XKR6: variants seen among roughly 807,000 people sequenced by gnomAD.
The protein encoded by XKR6 is XK-related protein 6.
In XKR6, 22 loss-of-function variants were observed where a neutral mutation model predicts 56.7. That is an observed-to-expected ratio of 0.39 (90% CI 0.28 to 0.55). The LOEUF is 0.55. Ranked by LOEUF, XKR6 falls within the 20% of genes least tolerant of loss-of-function variation. XKR6 has a pLI of 0.66. For missense variants in XKR6, 852 were observed against 889.0 expected (o/e 0.96, Z 0.53); for synonymous variants, 524 against 387.8 (o/e 1.35, Z -4.13).
intron 1 of XKR6, among the ~76,000 whole-genome samples, chr8:11,192,791 T>C (rs1391703915): frequency 2.0e-5 from 3 of 152,132 alleles, no homozygotes; most frequent in African/African-American, 7.2e-5. Context: ...AATCCGCATG[T>C]TAATGGCCCC....
At chr8:10,910,671 C>G (rs1242368171) in intron 2 of XKR6, among the ~76,000 whole-genome samples, 1 of 152,212 alleles carries the variant, frequency 6.6e-6, no homozygotes, top group African/African-American at 2.4e-5. Context: ...CAGACCTCCC[C>G]TCAAGGAGTT....
chr8:11,131,899 G>T (rs1284065018), intron 1 of XKR6, among the ~76,000 whole-genome samples: 1 of 152,114 alleles, frequency 6.6e-6, no homozygotes, highest in African/African-American at 2.4e-5. Flanking sequence ...TACCATCTAG[G>T]TTTGTGTATG....
intron 1 of XKR6, among the ~76,000 whole-genome samples, chr8:10,949,475 C>T (rs1480529631): frequency 1.3e-5 from 2 of 152,198 alleles, no homozygotes; most frequent in Non-Finnish European, 2.9e-5. Context: ...CTCCCCAGGG[C>T]TCTGAGCTCT....
At chr8:10,954,085 T>A (rs1234672797) in intron 1 of XKR6, among the ~76,000 whole-genome samples, 1 of 152,264 alleles carries the variant, frequency 6.6e-6, no homozygotes. Context: ...TTGAGTTGTT[T>A]CCACTTTTTG....
intron 1 of XKR6, among the ~76,000 whole-genome samples, chr8:11,103,390 C>T (rs1798558792): frequency 6.6e-6 from 1 of 152,086 alleles, no homozygotes; most frequent in Non-Finnish European, 1.5e-5. Context: ...TGAATCAGGC[C>T]CCACAAGAAC....
chr8:10,949,596 A>C (rs1448931032), intron 1 of XKR6, among the ~76,000 whole-genome samples: 1 of 152,254 alleles, frequency 6.6e-6, no homozygotes, highest in Non-Finnish European at 1.5e-5. Flanking sequence ...CTAGCGGGGT[A>C]CACCGTTAGT....
At chr8:10,975,985 T>A (rs1802544032) in intron 1 of XKR6, among the ~76,000 whole-genome samples, 1 of 151,792 alleles carries the variant, frequency 6.6e-6, no homozygotes, top group Admixed American at 6.6e-5. Context: ...CCATACTGGC[T>A]AACAAGGTGA....
intron 1 of XKR6, among the ~76,000 whole-genome samples, chr8:11,128,511 G>T (rs566603645): frequency 6.6e-6 from 1 of 152,174 alleles, no homozygotes; most frequent in Admixed American, 6.5e-5. Flanking sequence ...CGAATGACCA[G>T]TTCTAGTAGT....
chr8:10,924,575 C>A, intron 2 of XKR6, 59 bp downstream of exon 2: 2 of 1,548,884 alleles, frequency 1.3e-6, no homozygotes, highest in Admixed American at 1.8e-5. Context: ...TGGGAGGCGG[C>A]CGTGGTCCCC....
intron 1 of XKR6, among the ~76,000 whole-genome samples, chr8:11,075,491 C>CTT (rs945441302): frequency 1.3e-5 from 2 of 152,132 alleles, no homozygotes; most frequent in African/African-American, 4.8e-5. Flanking sequence ...TGACCCCTAC[C>CTT]CTAAGCACAA....
chr8:11,090,135 G>A (rs556811935), intron 1 of XKR6, among the ~76,000 whole-genome samples: 10 of 152,272 alleles, frequency 6.6e-5, no homozygotes, highest in African/African-American at 2.4e-4. Context: ...CCAGGCTGGA[G>A]TGCAGTGGTG....
chr8:11,165,905 A>G (rs1372039928), intron 1 of XKR6, among the ~76,000 whole-genome samples: 3 of 151,940 alleles, frequency 2.0e-5, no homozygotes, highest in African/African-American at 7.3e-5. Flanking sequence ...GCCACGTGCA[A>G]TGACCACTGT....
intron 1 of XKR6, among the ~76,000 whole-genome samples, chr8:11,181,650 G>A (rs10110684): frequency 6.6e-6 from 1 of 152,046 alleles, no homozygotes; most frequent in Admixed American, 6.5e-5. Context: ...AAGAAAATTT[G>A]GTGAGGAAGA....
At chr8:11,137,859 A>G (rs1279666178) in intron 1 of XKR6, 1 of 364,284 alleles carries the variant, frequency 2.7e-6, no homozygotes, top group Non-Finnish European at 5.4e-6. Context: ...GAAATAATGG[A>G]AAAAGACTGA....
chr8:11,107,348 C>T (rs1798716969), intron 1 of XKR6, among the ~76,000 whole-genome samples: 1 of 152,078 alleles, frequency 6.6e-6, no homozygotes, highest in Non-Finnish European at 1.5e-5. Flanking sequence ...TACAAGTGCA[C>T]ACCACCATGC....
chr8:10,924,489 G>A, intron 2 of XKR6, 145 bp downstream of exon 2: 1 of 942,920 alleles, frequency 1.1e-6, no homozygotes, highest in Non-Finnish European at 1.6e-6. Flanking sequence ...CGTCAGCACT[G>A]CACTGGGGGC....
At chr8:11,100,405 C>T (rs1057157781) in intron 1 of XKR6, among the ~76,000 whole-genome samples, 3 of 152,206 alleles carry the variant, frequency 2.0e-5, no homozygotes, top group Non-Finnish European at 4.4e-5. Context: ...TCCAAGCCTT[C>T]CACCTAATGG....
At chr8:11,168,918 G>A (rs1343528612) in intron 1 of XKR6, among the ~76,000 whole-genome samples, 2 of 152,204 alleles carry the variant, frequency 1.3e-5, no homozygotes, top group African/African-American at 4.8e-5. Flanking sequence ...TACGCAGTGG[G>A]CTCTGTTGGG....
chr8:10,931,841 A>G (rs955482756), intron 1 of XKR6, among the ~76,000 whole-genome samples: 8 of 152,218 alleles, frequency 5.3e-5, no homozygotes, highest in Non-Finnish European at 7.4e-5. Context: ...AAAACAAAAA[A>G]GATAAACTTT....
Sources: allele counts gnomAD v4.1 joint callset (sites outside exome capture counted in the v4.1 genomes callset), GRCh38; gene constraint gnomAD v4.1.1; transcripts MANE v1.5; gene names NCBI Gene and HGNC (gene_info 2026-07-23, HGNC 2026-07-21).